The following ABLIM1 variants were observed in gnomAD, a reference collection of about 807,000 sequenced individuals.
ABLIM1 encodes the protein actin binding LIM protein 1.
In ABLIM1, 40 loss-of-function variants were observed where a neutral mutation model predicts 107.0. The ratio of observed to expected loss-of-function variants is 0.37; its 90% CI spans 0.29 to 0.49. The LOEUF is 0.49. ABLIM1 is among the 20% of genes least tolerant of loss of function. The probability of loss-of-function intolerance (pLI) is 0.97; values close to 1 mark genes in which losing one functional copy is unlikely to be tolerated. For missense variants in ABLIM1, 857 were observed against 1,008.5 expected, an observed-to-expected ratio of 0.85 and a Z score of 2.04; for synonymous variants, 357 against 357.3, an observed-to-expected ratio of 1.00 and a Z score of 0.01.
At chr10:114,607,388 C>A (rs1418184168) in intron 1 of ABLIM1, among the ~76,000 whole-genome samples, 2 of 152,048 alleles carry the variant, frequency 1.3e-5, no homozygotes, top group Non-Finnish European at 2.9e-5. Flanking sequence ...ATGCAACCAG[C>A]AAAGCGTATT....
intron 2 of ABLIM1, among the ~76,000 whole-genome samples, chr10:114,593,639 C>T (rs1422652934): frequency 6.6e-6 from 1 of 152,158 alleles, no homozygotes; most frequent in Non-Finnish European, 1.5e-5. Flanking sequence ...AACAAATCTG[C>T]CCTTGACTCT....
chr10:114,797,811 G>A, the ABLIM1 span, among the ~76,000 whole-genome samples: 1 of 152,176 alleles, frequency 6.6e-6, no homozygotes, highest in African/African-American at 2.4e-5. Context: ...TGGGGCTAAA[G>A]TGGGACAGGA....
intron 6 of ABLIM1, among the ~76,000 whole-genome samples, chr10:114,500,888 C>T (rs1479098319): frequency 1.3e-5 from 2 of 152,030 alleles, no homozygotes; most frequent in South Asian, 2.1e-4. Context: ...AGCTTTCTTC[C>T]TCTCTTTCCC....
At chr10:114,460,914 C>G (rs954180777) in intron 12 of ABLIM1, among the ~76,000 whole-genome samples, 3 of 152,166 alleles carry the variant, frequency 2.0e-5, no homozygotes, top group African/African-American at 7.2e-5. Context: ...AACTGTGTAA[C>G]TTTATAGGGC....
At position 114,580,170 on chromosome 10, in the gene ABLIM1, ACCCACTCC is replaced by A. The variant is rs2073178093; in HGVS notation, c.380-4579_380-4572del. On this transcript the variant is annotated intron_variant, in intron 2 of 22. Transcript: ENST00000533213. ...ACATTCCTTTTTGAATGCCTTTATA[ACCCACTCC>A]TTTATTTTAATATTATATATTATAT... 2.0e-5 allele frequency among the ~76,000 whole-genome samples: 3 copies of A among 148,362 alleles called. No homozygotes were observed. In the South Asian group the frequency reaches 6.4e-4, roughly 32 times the overall value.
intron 6 of ABLIM1, among the ~76,000 whole-genome samples, chr10:114,519,008 T>C (rs868231571): frequency 7.9e-5 from 12 of 152,096 alleles, no homozygotes; most frequent in African/African-American, 2.2e-4. Context: ...GCAAAAATCT[T>C]TTGAATATCT....
chr10:114,602,001 C>T (rs376493203), intron 1 of ABLIM1, 40 bp from the exon 2 acceptor site: 1 of 1,609,118 alleles, frequency 6.2e-7, no homozygotes, highest in East Asian at 2.2e-5. Flanking sequence ...GAGTAGAGAG[C>T]ATTCCTGCAA....
chr10:114,643,937 C>A (rs952335029), intron 1 of ABLIM1, among the ~76,000 whole-genome samples: 7 of 151,796 alleles, frequency 4.6e-5, no homozygotes, highest in African/African-American at 1.5e-4. Context: ...TTTAAGATTT[C>A]TACAGCATGT....
intron 4 of ABLIM1, among the ~76,000 whole-genome samples, chr10:114,561,197 G>T (rs1201313655): frequency 6.6e-6 from 1 of 152,218 alleles, no homozygotes; most frequent in African/African-American, 2.4e-5. Context: ...TCTGGCCAAA[G>T]AGGAAATCAT....
intron 6 of ABLIM1, among the ~76,000 whole-genome samples, chr10:114,514,993 A>G (rs1012965283): frequency 2.6e-5 from 4 of 152,226 alleles, no homozygotes; most frequent in African/African-American, 9.6e-5. Context: ...GAAATGAAAA[A>G]TCTAACACAA....
At chr10:114,673,692 T>C (rs1286418921) in intron 1 of ABLIM1, among the ~76,000 whole-genome samples, 3 of 152,230 alleles carry the variant, frequency 2.0e-5, no homozygotes, top group Non-Finnish European at 4.4e-5. Flanking sequence ...TATTTTCTCA[T>C]GGTACCACAA....
intron 6 of ABLIM1, among the ~76,000 whole-genome samples, chr10:114,510,283 G>T (rs968075725): frequency 6.6e-6 from 1 of 152,220 alleles, no homozygotes; most frequent in East Asian, 1.9e-4. Context: ...ATTGCAAGGT[G>T]TAGCCCAGGT....
rs1347050971 is a variant in ABLIM1, at chr10:114,431,966, A to T, written c.*4294T>A. 1.6e-5 allele frequency: 2 copies of T among 124,704 alleles called. No homozygotes were observed. The highest frequency in any genetic ancestry group is 3.5e-5 in the Non-Finnish European group (2 of 57,328). 7.7% of individuals were successfully genotyped at this position (124,704 alleles called of 1,614,324 possible). On this transcript the variant is annotated 3_prime_UTR_variant, in exon 23 of 23. Coordinates refer to ENST00000533213, the MANE Select transcript of ABLIM1 (RefSeq NM_002313.7). ...TCCCACTGCTTCCTGGGCCGCAAAC[A>T]GAAAAATAAACAGTGATTAAAAAAA...
At chr10:114,684,400 C>G (rs774789038) in exon 1 of ABLIM1, 3 of 1,612,838 alleles carry the variant, frequency 1.9e-6, no homozygotes, top group South Asian at 1.1e-5. Flanking sequence ...GCATCTGGCA[C>G]ACAGAAAGGC....
chr10:114,471,681 A>G (rs1204468646), intron 10 of ABLIM1, among the ~76,000 whole-genome samples: 2 of 152,090 alleles, frequency 1.3e-5, no homozygotes, highest in Non-Finnish European at 2.9e-5. Context: ...AAAATAAAAA[A>G]TAAACATAAA....
Position 114,518,118 on chromosome 10 carries a change from C to T in ABLIM1, c.895-26240G>A, listed in dbSNP as rs59171498. On this transcript the variant is annotated intron_variant, in intron 6 of 22. Coordinates refer to ENST00000533213, the MANE Select transcript of ABLIM1 (RefSeq NM_002313.7). ...AAATTGTAGAACAACATGCATAAAA[C>T]GGTCCTATTTGTATAAAAGAATACA... 4.6e-3 allele frequency among the ~76,000 whole-genome samples: 697 copies of T among 152,214 alleles called. 6 individuals are homozygous for T. Among genetic ancestry groups the T allele is most frequent in the African/African-American group, 0.016 (674 of 41,530 alleles).
Position 114,555,698 on chromosome 10 carries a change from G to A in ABLIM1, c.674-7922C>T, listed in dbSNP as rs58938015. The stretch of plus-strand genomic sequence containing the variant: ...CTGAGATAACTGAGACTTATAAAAC[G>A]TCCAGAGGGATTTTAAGACAGTTCA... On this transcript the variant is annotated intron_variant, in intron 4 of 22. Transcript: ENST00000533213. Among the ~76,000 whole-genome samples, 10 of 152,032 alleles carry A rather than the reference G, an allele frequency of 6.6e-5. No individual in the cohort carries two copies. In the East Asian group the frequency reaches 1.2e-3, roughly 18 times the overall value.
At chr10:114,666,651 TGTAAA>T (rs67829872) in intron 1 of ABLIM1, among the ~76,000 whole-genome samples, 24,584 of 152,064 alleles carry the variant, frequency 0.16, 1,970 homozygotes, top group Middle Eastern at 0.2. Context: ...TTACTTCATC[TGTAAA>T]ACAGATACAA....
At chr10:114,626,545 T>C (rs11196814) in intron 1 of ABLIM1, among the ~76,000 whole-genome samples, 13,197 of 152,064 alleles carry the variant, frequency 0.087, 726 homozygotes, top group South Asian at 0.13. Context: ...GCTCATCTCC[T>C]TCCTCCCACC....
Sources: allele counts gnomAD v4.1 joint callset (sites outside exome capture counted in the v4.1 genomes callset), GRCh38; gene constraint gnomAD v4.1.1; transcripts MANE v1.5; gene names NCBI Gene and HGNC (gene_info 2026-07-23, HGNC 2026-07-21).